The following TINAG variants were observed in gnomAD, a reference collection of about 807,000 sequenced individuals.
TINAG encodes tubulointerstitial nephritis antigen.
Under a neutral mutation model 72.7 loss-of-function variants are expected in TINAG, and 83 were observed. That is an observed-to-expected ratio of 1.14 (90% CI 0.96 to 1.37). The LOEUF is 1.37. Among genes scored for constraint, TINAG ranks in the 40% most tolerant of loss-of-function variants. The pLI is 0.00. For missense variants in TINAG, 685 were observed against 576.6 expected, an observed-to-expected ratio of 1.19 and a Z score of -1.93; for synonymous variants, 234 against 189.9, an observed-to-expected ratio of 1.23 and a Z score of -1.91.
At chr6:54,358,653 C>T (rs565053416) in intron 9 of TINAG, among the ~76,000 whole-genome samples, 9 of 151,748 alleles carry the variant, frequency 5.9e-5, no homozygotes, top group African/African-American at 2.2e-4. Context: ...TTGCTGTTAT[C>T]CTGGGAGTTC....
At chr6:54,385,962 C>A (rs1764088375) in intron 10 of TINAG, among the ~76,000 whole-genome samples, 2 of 131,358 alleles carry the variant, frequency 1.5e-5, no homozygotes, top group Non-Finnish European at 3.1e-5. Flanking sequence ...GTGATCTTGG[C>A]TAACTGCATC....
intron 9 of TINAG, among the ~76,000 whole-genome samples, chr6:54,360,841 GTTTTTTTTTT>G (rs70983415): frequency 0.025 from 658 of 26,198 alleles, 6 homozygotes; most frequent in Middle Eastern, 0.077. Flanking sequence ...CAGATACTGT[GTTTTTTTTTT>G]TTTTTTTTTT....
intron 10 of TINAG, among the ~76,000 whole-genome samples, chr6:54,382,923 A>G (rs146406581): frequency 2.0e-5 from 3 of 152,282 alleles, no homozygotes; most frequent in African/African-American, 7.2e-5. Context: ...CACCATAAAC[A>G]TTAGGAATAT....
At chr6:54,346,221 G>A (rs920369088) in intron 5 of TINAG, among the ~76,000 whole-genome samples, 2 of 151,912 alleles carry the variant, frequency 1.3e-5, no homozygotes, top group African/African-American at 4.8e-5. Flanking sequence ...TAGTTTCCCT[G>A]GTCTATTATT....
chr6:54,310,662 TTC>T (rs1198223166), intron 1 of TINAG, among the ~76,000 whole-genome samples: 4 of 127,104 alleles, frequency 3.1e-5, no homozygotes, highest in South Asian at 4.7e-4. Context: ...CTCTTTCTTT[TTC>T]TCTCTTTCTC....
intron 1 of TINAG, among the ~76,000 whole-genome samples, chr6:54,316,701 AG>A (rs1784380837): frequency 6.6e-6 from 1 of 152,188 alleles, no homozygotes; most frequent in African/African-American, 2.4e-5. Context: ...TGACCAGCAT[AG>A]ATACTTATAA....
chr6:54,364,480 CTA>C (rs1763345061), intron 9 of TINAG, among the ~76,000 whole-genome samples: 1 of 151,246 alleles, frequency 6.6e-6, no homozygotes, highest in Admixed American at 6.6e-5. Flanking sequence ...TCAAAATAGA[CTA>C]AAAATATTTA....
intron 10 of TINAG, among the ~76,000 whole-genome samples, chr6:54,386,154 G>A (rs1176235284): frequency 6.6e-6 from 1 of 152,104 alleles, no homozygotes; most frequent in African/African-American, 2.4e-5. Flanking sequence ...GCCTCCCAAA[G>A]TGCTGGAATT....
chr6:54,327,308 G>T, intron 4 of TINAG: 1 of 936,570 alleles, frequency 1.1e-6, no homozygotes, highest in Non-Finnish European at 1.4e-6. Context: ...AGGGTGAGCA[G>T]AAGCAGGGTA....
At chr6:54,352,357 T>C (rs1785286014) in intron 8 of TINAG, among the ~76,000 whole-genome samples, 1 of 151,866 alleles carries the variant, frequency 6.6e-6, no homozygotes, top group Non-Finnish European at 1.5e-5. Context: ...TATTGATCAT[T>C]ATCACCACTT....
intron 4 of TINAG, among the ~76,000 whole-genome samples, chr6:54,339,813 G>T (rs1784954486): frequency 6.6e-6 from 1 of 152,090 alleles, no homozygotes; most frequent in Non-Finnish European, 1.5e-5. Flanking sequence ...GATTGTAAAG[G>T]TCATAACAGA....
chr6:54,370,826 A>G (rs1763581209), intron 9 of TINAG, among the ~76,000 whole-genome samples: 1 of 152,010 alleles, frequency 6.6e-6, no homozygotes, highest in African/African-American at 2.4e-5. Flanking sequence ...GTCTGTCAGT[A>G]CTGAATCAAC....
At chr6:54,353,662 C>T (rs143565666) in intron 8 of TINAG, among the ~76,000 whole-genome samples, 1 of 151,744 alleles carries the variant, frequency 6.6e-6, no homozygotes, top group African/African-American at 2.4e-5. Context: ...AAAACTGGAA[C>T]ATTGAAAAGT....
chr6:54,349,111 G>A (rs1024249560), intron 6 of TINAG, among the ~76,000 whole-genome samples: 2 of 151,584 alleles, frequency 1.3e-5, no homozygotes, highest in African/African-American at 4.8e-5. Context: ...TAATACACAT[G>A]TCTGATAGTT....
chr6:54,351,577 T>A (rs1203140392), intron 8 of TINAG, among the ~76,000 whole-genome samples, 180 bp downstream of exon 8: 1 of 151,942 alleles, frequency 6.6e-6, no homozygotes, highest in Non-Finnish European at 1.5e-5. Context: ...TATATCTTAA[T>A]TAGCTGCCAT....
intron 5 of TINAG, among the ~76,000 whole-genome samples, chr6:54,343,791 A>C (rs964780346): frequency 1.3e-5 from 2 of 152,118 alleles, no homozygotes; most frequent in Admixed American, 1.3e-4. Context: ...AAGACTTTAA[A>C]CCTAAATAAT....
At chr6:54,310,943 TTCTC>T (rs1048922803) in intron 1 of TINAG, among the ~76,000 whole-genome samples, 6 of 150,878 alleles carry the variant, frequency 4.0e-5, no homozygotes, top group African/African-American at 7.3e-5. Flanking sequence ...CTTTCTTTTT[TTCTC>T]TCTCTTTCTC....
Position 54,308,913 on chromosome 6 carries a change from T to C in TINAG, c.355+8T>C, listed in dbSNP as rs1404774709. 6.3e-7 allele frequency: 1 copy of C among 1,591,680 alleles called. No homozygotes were observed. Among genetic ancestry groups the C allele is most frequent in the African/African-American group, 1.3e-5 (1 of 74,430 alleles). ...AGCCTTGGTATCCAGAAGGTAGGCT[T>C]TGGGAATGTGTTTCAACATCATCCT... On this transcript the variant is annotated splice_region_variant and intron_variant, in intron 1 of 10. Coordinates refer to ENST00000259782, the MANE Select transcript of TINAG (RefSeq NM_014464.4).
At chr6:54,364,216 T>G (rs1029244335) in intron 9 of TINAG, among the ~76,000 whole-genome samples, 7 of 151,484 alleles carry the variant, frequency 4.6e-5, no homozygotes, top group Non-Finnish European at 8.9e-5. Context: ...TGCCCTCTTG[T>G]GTGTGCTTTC....
Sources: gnomAD v4.1 joint callset for allele counts (sites outside exome capture counted in the v4.1 genomes callset) on GRCh38, gnomAD v4.1.1 for gene constraint, MANE v1.5 for transcripts, NCBI Gene and HGNC (gene_info 2026-07-23, HGNC 2026-07-21) for gene names.